Variants in PRKG1 observed in about 807,000 individuals in gnomAD.
PRKG1 encodes cGMP-dependent protein kinase 1.
Under a neutral mutation model 88.1 loss-of-function variants are expected in PRKG1, and 35 were observed. The observed-to-expected ratio is 0.40, with a 90% CI of 0.30 to 0.53. The LOEUF (loss-of-function observed/expected upper bound fraction) is 0.53, where lower values mean the gene tolerates loss of function less well. Ranked by LOEUF, PRKG1 falls within the 20% of genes least tolerant of loss-of-function variation. The pLI, the probability that PRKG1 is intolerant of heterozygous loss-of-function variation, is 0.59. For synonymous variants in PRKG1, 303 were observed against 292.5 expected, an observed-to-expected ratio of 1.04 and a Z score of -0.37; for missense variants, 540 against 839.8, an observed-to-expected ratio of 0.64 and a Z score of 4.41.
intron 5 of PRKG1, among the ~76,000 whole-genome samples, chr10:51,928,655 G>A (rs1842626928): frequency 6.6e-6 from 1 of 152,126 alleles, no homozygotes. Context: ...AAAGCAGTTT[G>A]GGATGGATAT....
intron 1 of PRKG1, among the ~76,000 whole-genome samples, chr10:51,036,691 G>T (rs1843358433): frequency 6.6e-6 from 1 of 151,098 alleles, no homozygotes; most frequent in African/African-American, 2.5e-5. Flanking sequence ...TAAGTAAATG[G>T]GGGCGTGTTT....
At chr10:51,268,664 C>G (rs767064149) in intron 2 of PRKG1, among the ~76,000 whole-genome samples, 1 of 152,108 alleles carries the variant, frequency 6.6e-6, no homozygotes, top group Non-Finnish European at 1.5e-5. Context: ...TGTTTAAACA[C>G]ACATGCTCTA....
At chr10:51,660,394 A>T (rs1840269235) in intron 3 of PRKG1, among the ~76,000 whole-genome samples, 1 of 151,910 alleles carries the variant, frequency 6.6e-6, no homozygotes, top group Non-Finnish European at 1.5e-5. Flanking sequence ...ATGTGAAAGG[A>T]TTGAGAAGGA....
chr10:51,164,079 G>A (rs141050442), intron 2 of PRKG1, among the ~76,000 whole-genome samples: 2,160 of 152,282 alleles, frequency 0.014, 27 homozygotes, highest in Middle Eastern at 0.044. Context: ...ATCTGAGAAC[G>A]GGCAGACTGC....
intron 3 of PRKG1, among the ~76,000 whole-genome samples, chr10:51,639,655 TGC>T (rs1304542932): frequency 6.6e-6 from 1 of 151,120 alleles, no homozygotes; most frequent in African/African-American, 2.4e-5. Context: ...AAACTTTTTA[TGC>T]CACAGAATTC....
At chr10:51,362,865 G>A (rs1051053478) in intron 2 of PRKG1, among the ~76,000 whole-genome samples, 8 of 151,800 alleles carry the variant, frequency 5.3e-5, no homozygotes, top group Admixed American at 2.6e-4. Context: ...ACTTATGAGC[G>A]AGAACATGTG....
chr10:51,611,873 G>A (rs888960877), intron 3 of PRKG1, among the ~76,000 whole-genome samples: 1 of 152,042 alleles, frequency 6.6e-6, no homozygotes, highest in African/African-American at 2.4e-5. Flanking sequence ...AGTTTTCCTA[G>A]CACCATTTAT....
At chr10:51,530,939 T>G (rs1214786277) in intron 3 of PRKG1, among the ~76,000 whole-genome samples, 3 of 152,136 alleles carry the variant, frequency 2.0e-5, no homozygotes, top group African/African-American at 7.2e-5. Flanking sequence ...AAAGCCAGAG[T>G]GAATTGCAAT....
chr10:51,102,209 A>G (rs1044357828), intron 1 of PRKG1, among the ~76,000 whole-genome samples: 3 of 152,180 alleles, frequency 2.0e-5, no homozygotes, highest in Non-Finnish European at 4.4e-5. Context: ...CTTTGTGTTT[A>G]TTACCTTTGT....
intron 5 of PRKG1, among the ~76,000 whole-genome samples, chr10:51,996,296 CAG>C (rs1844439981): frequency 9.5e-6 from 1 of 105,756 alleles, no homozygotes; most frequent in Non-Finnish European, 1.7e-5. Flanking sequence ...GCCTAGGTGA[CAG>C]AGTGAGACTC....
intron 5 of PRKG1, among the ~76,000 whole-genome samples, chr10:51,982,671 G>A (rs116294869): frequency 1.9e-3 from 287 of 152,152 alleles, no homozygotes; most frequent in African/African-American, 6.7e-3. Context: ...TTGAGATTAG[G>A]AATCCATTGT....
intron 5 of PRKG1, among the ~76,000 whole-genome samples, chr10:52,029,390 C>T (rs1225512507): frequency 1.3e-5 from 2 of 152,048 alleles, no homozygotes; most frequent in Non-Finnish European, 1.5e-5. Flanking sequence ...CAAATCTCTC[C>T]ACCAAGCTCA....
chr10:52,152,268 C>T (rs1219590187), intron 8 of PRKG1, among the ~76,000 whole-genome samples: 1 of 152,104 alleles, frequency 6.6e-6, no homozygotes, highest in Non-Finnish European at 1.5e-5. Flanking sequence ...ATTTCTATTA[C>T]AGGCCAGGAA....
chr10:51,285,075 T>G (rs1200590518), intron 2 of PRKG1, among the ~76,000 whole-genome samples: 1 of 99,836 alleles, frequency 1.0e-5, no homozygotes, highest in Non-Finnish European at 1.8e-5. Flanking sequence ...GTCCCCAGAG[T>G]GTATATTCCC....
chr10:52,169,420 G>A (rs756424258), intron 9 of PRKG1, among the ~76,000 whole-genome samples: 5 of 151,998 alleles, frequency 3.3e-5, no homozygotes, highest in Admixed American at 3.3e-4. Context: ...AGCTCTCTGG[G>A]GTCTCTTTTA....
intron 3 of PRKG1, among the ~76,000 whole-genome samples, chr10:51,681,686 C>A: frequency 6.6e-6 from 1 of 152,036 alleles, no homozygotes; most frequent in Admixed American, 6.6e-5. Context: ...TTCATAAAAT[C>A]TTTTTTTAAT....
chr10:51,791,406 T>A (rs920405025), intron 3 of PRKG1, among the ~76,000 whole-genome samples: 7 of 152,142 alleles, frequency 4.6e-5, no homozygotes, highest in African/African-American at 7.2e-5. Flanking sequence ...TATAAACAGC[T>A]CCTCTGAATT....
intron 2 of PRKG1, among the ~76,000 whole-genome samples, chr10:51,171,171 C>T (rs1344605250): frequency 6.6e-6 from 1 of 152,092 alleles, no homozygotes; most frequent in Non-Finnish European, 1.5e-5. Flanking sequence ...AAGATGACTC[C>T]AAGTTTTTGG....
At chr10:51,082,176 A>G (rs1844128235) in intron 1 of PRKG1, among the ~76,000 whole-genome samples, 1 of 152,186 alleles carries the variant, frequency 6.6e-6, no homozygotes, top group Non-Finnish European at 1.5e-5. Context: ...ACTTGCCCAC[A>G]GTCACACTAG....
Sources: gnomAD v4.1 joint callset for allele counts (sites outside exome capture counted in the v4.1 genomes callset) on GRCh38, gnomAD v4.1.1 for gene constraint, MANE v1.5 for transcripts, NCBI Gene and HGNC (gene_info 2026-07-23, HGNC 2026-07-21) for gene names.